The following HECW1 variants were observed in gnomAD, a reference collection of about 807,000 sequenced individuals.
The protein encoded by HECW1 is E3 ubiquitin-protein ligase HECW1.
HECW1 carries 61 observed loss-of-function variants against 182.3 expected under a neutral mutation model. The ratio of observed to expected loss-of-function variants is 0.33; its 90% CI spans 0.27 to 0.41. HECW1 has a LOEUF of 0.41. Among genes scored for constraint, HECW1 ranks in the 10% least tolerant of loss-of-function variants. HECW1 has a pLI of 1.00. For synonymous variants in HECW1, 859 were observed against 832.6 expected (o/e 1.03, Z -0.55); for missense variants, 1,739 against 2,108.9 (o/e 0.82, Z 3.44).
At chr7:43,539,453 C>T (rs370027674) in intron 24 of HECW1, among the ~76,000 whole-genome samples, 1 of 152,122 alleles carries the variant, frequency 6.6e-6, no homozygotes, top group African/African-American at 2.4e-5. Flanking sequence ...CTGTGGTTAT[C>T]GGTCTATTTA....
intron 17 of HECW1, among the ~76,000 whole-genome samples, chr7:43,487,908 A>G (rs979644374): frequency 2.6e-5 from 4 of 151,946 alleles, no homozygotes; most frequent in African/African-American, 9.7e-5. Context: ...GTAGTGAGCT[A>G]TAATTGCACC....
intron 12 of HECW1, among the ~76,000 whole-genome samples, chr7:43,453,578 C>G (rs1482272463): frequency 6.6e-6 from 1 of 152,042 alleles, no homozygotes; most frequent in Non-Finnish European, 1.5e-5. Context: ...CTAGACTATG[C>G]AATAGTATTA....
At chr7:43,384,023 AGAG>A (rs958257073) in intron 6 of HECW1, among the ~76,000 whole-genome samples, 1 of 152,172 alleles carries the variant, frequency 6.6e-6, no homozygotes, top group African/African-American at 2.4e-5. Flanking sequence ...AGGAGGAGGA[AGAG>A]GAGGAGTTGG....
chr7:43,115,820 C>T (rs1477989036), intron 2 of HECW1, among the ~76,000 whole-genome samples: 1 of 152,172 alleles, frequency 6.6e-6, no homozygotes, highest in Non-Finnish European at 1.5e-5. Flanking sequence ...CCTGTTTTCC[C>T]ATAGCCTTTT....
intron 8 of HECW1, among the ~76,000 whole-genome samples, chr7:43,425,345 C>A (rs1247565328): frequency 1.4e-5 from 1 of 72,966 alleles, no homozygotes; most frequent in South Asian, 4.5e-4. Context: ...TAGATAGATG[C>A]TTTATTGAGC....
chr7:43,156,281 A>G (rs567097994), intron 2 of HECW1, among the ~76,000 whole-genome samples: 9 of 152,336 alleles, frequency 5.9e-5, no homozygotes, highest in African/African-American at 1.9e-4. Context: ...TCTCTGAGGT[A>G]TCTGGGACAG....
In HECW1 at chr7:43,479,657, C is replaced by A. The variant is rs1380129563; in HGVS notation, c.3147C>A (p.Pro1049=). The A allele has an allele frequency of 6.2e-7, 1 of 1,614,072 alleles. No homozygotes were observed. The highest frequency in any genetic ancestry group is 2.2e-5 in the East Asian group (1 of 44,870). ...HNSRATTFID[P]RIPLQNGRLP... ...GTCGAGCTACCACTTTCATTGACCC[C>A]CGAATCCCTCTTCAGAACGGTCGTC... The change falls in exon 17 of 30, where the codon CCC becomes CCA. Residue 1049 remains proline, a synonymous_variant. Coordinates refer to ENST00000395891, the MANE Select transcript of HECW1 (RefSeq NM_015052.5).
chr7:43,141,698 A>G (rs1332509086), intron 2 of HECW1, among the ~76,000 whole-genome samples: 1 of 152,026 alleles, frequency 6.6e-6, no homozygotes, highest in African/African-American at 2.4e-5. Context: ...GGGTTTCTCC[A>G]TGTTGGTCAG....
chr7:43,333,479 C>G (rs913977565), intron 5 of HECW1, among the ~76,000 whole-genome samples: 2 of 152,146 alleles, frequency 1.3e-5, no homozygotes, highest in East Asian at 3.8e-4. Flanking sequence ...ATTACTTATT[C>G]CCTACAGAAA....
intron 2 of HECW1, among the ~76,000 whole-genome samples, chr7:43,198,780 C>A (rs1794765075): frequency 6.6e-6 from 1 of 151,582 alleles, no homozygotes; most frequent in Non-Finnish European, 1.5e-5. Flanking sequence ...CTCACACACA[C>A]TCCACACTCA....
chr7:43,225,258 G>A (rs527431953), intron 2 of HECW1, among the ~76,000 whole-genome samples: 13 of 152,262 alleles, frequency 8.5e-5, no homozygotes, highest in African/African-American at 2.6e-4. Flanking sequence ...GAAGGCTGGC[G>A]ATAGCAAGTA....
At chr7:43,129,169 TATG>T (rs1344289881) in intron 2 of HECW1, among the ~76,000 whole-genome samples, 1 of 152,192 alleles carries the variant, frequency 6.6e-6, no homozygotes, top group Non-Finnish European at 1.5e-5. Flanking sequence ...GAAGTTCTAT[TATG>T]GGTAAAATGC....
intron 5 of HECW1, among the ~76,000 whole-genome samples, chr7:43,332,513 A>C (rs1811624401): frequency 1.3e-5 from 2 of 152,218 alleles, no homozygotes. Context: ...GACAAGGGAC[A>C]CTGACCTAAC....
Position 43,509,075 on chromosome 7 carries a change from G to T in HECW1, c.3973G>T (p.Val1325Leu), listed in dbSNP as rs770872336. 4.3e-6 allele frequency: 7 copies of T among 1,614,104 alleles called. No homozygotes were observed. The South Asian group carries it at 6.6e-5, about 15-fold the overall frequency. Residue 1325 changes from valine to leucine, a missense_variant, in exon 24 of 30, where the codon GTG becomes TTG. Physicochemically the swap from Val to Leu is conservative, Grantham distance 32. Coordinates refer to ENST00000395891, the MANE Select transcript of HECW1 (RefSeq NM_015052.5). ...FEYSANDTYTVQISPMSAFVE... is the reference protein window; with the variant it reads ...FEYSANDTYTLQISPMSAFVE... ...GTACTCGGCAAATGATACTTACACG[G>T]TGCAGATCAGCCCCATGTCCGCATT...
intron 5 of HECW1, among the ~76,000 whole-genome samples, chr7:43,358,969 G>A (rs1008256983): frequency 2.6e-5 from 4 of 151,928 alleles, no homozygotes; most frequent in Admixed American, 2.6e-4. Flanking sequence ...GGGATTGCAG[G>A]AGTGCACCAC....
At chr7:43,252,120 G>A (rs1397546138) in intron 3 of HECW1, among the ~76,000 whole-genome samples, 3 of 152,070 alleles carry the variant, frequency 2.0e-5, no homozygotes, top group East Asian at 1.9e-4. Flanking sequence ...ATACACCTGC[G>A]AGCCCTCTAC....
intron 24 of HECW1, among the ~76,000 whole-genome samples, chr7:43,519,495 C>T (rs973725699): frequency 6.6e-5 from 10 of 152,204 alleles, no homozygotes; most frequent in Admixed American, 2.0e-4. Flanking sequence ...TGGCCCGTCT[C>T]GGCCTCCCAA....
At chr7:43,260,784 A>G (rs1406359226) in intron 3 of HECW1, among the ~76,000 whole-genome samples, 5 of 152,208 alleles carry the variant, frequency 3.3e-5, no homozygotes, top group Non-Finnish European at 7.3e-5. Context: ...GGGTATCAAG[A>G]CTGACTTGTA....
intron 2 of HECW1, among the ~76,000 whole-genome samples, chr7:43,122,830 T>C (rs1273988695): frequency 6.6e-6 from 1 of 152,204 alleles, no homozygotes; most frequent in African/African-American, 2.4e-5. Context: ...CAAATATGTA[T>C]AAAACTACAT....
Sources: gnomAD v4.1 joint callset for allele counts (sites outside exome capture counted in the v4.1 genomes callset) on GRCh38, gnomAD v4.1.1 for gene constraint, MANE v1.5 for transcripts, NCBI Gene and HGNC (gene_info 2026-07-23, HGNC 2026-07-21) for gene names.